The following ZC3H4 variants were observed in gnomAD, a reference collection of about 807,000 sequenced individuals.
ZC3H4 encodes zinc finger CCCH-type containing 4.
ZC3H4 carries 13 observed loss-of-function variants against 108.3 expected under a neutral mutation model. That is an observed-to-expected ratio of 0.12 (90% CI 0.08 to 0.19). The LOEUF (loss-of-function observed/expected upper bound fraction) is 0.19, where lower values mean the gene tolerates loss of function less well. Among genes scored for constraint, ZC3H4 ranks in the 10% least tolerant of loss-of-function variants. ZC3H4 has a pLI of 1.00. For synonymous variants in ZC3H4, 917 were observed against 749.6 expected (o/e 1.22, Z -3.65); for missense variants, 1,734 against 1,838.8 (o/e 0.94, Z 1.04).
intron 2 of ZC3H4, among the ~76,000 whole-genome samples, chr19:47,102,737 A>T (rs2057918866): frequency 6.6e-6 from 1 of 151,942 alleles, no homozygotes; most frequent in Non-Finnish European, 1.5e-5. Context: ...GATAGAGAAT[A>T]AGGGCTCATG....
intron 2 of ZC3H4, among the ~76,000 whole-genome samples, chr19:47,099,889 G>T (rs73943619): frequency 0.026 from 4,012 of 151,492 alleles, 148 homozygotes; most frequent in African/African-American, 0.084. Context: ...GAACAGCAGC[G>T]GTTACCTTAA....
intron 2 of ZC3H4, among the ~76,000 whole-genome samples, chr19:47,104,296 G>A (rs865905032): frequency 6.6e-6 from 1 of 152,148 alleles, no homozygotes; most frequent in African/African-American, 2.4e-5. Flanking sequence ...TCCAGCCTAC[G>A]TGACAGAGTA....
intron 14 of ZC3H4, 40 bp downstream of exon 14, chr19:47,069,052 G>C (rs765527023): frequency 6.2e-7 from 1 of 1,600,732 alleles, no homozygotes; most frequent in Non-Finnish European, 8.5e-7. Flanking sequence ...CTGCACAGCG[G>C]CCTGGGGCCT....
chr19:47,103,908 C>A (rs961258564), intron 2 of ZC3H4, among the ~76,000 whole-genome samples: 1 of 151,808 alleles, frequency 6.6e-6, no homozygotes, highest in Non-Finnish European at 1.5e-5. Flanking sequence ...CGTGCCACTG[C>A]ACTCCGGCCT....
chr19:47,068,053 G>C (rs1368040541), intron 14 of ZC3H4, among the ~76,000 whole-genome samples, 184 bp from the exon 15 acceptor site: 2 of 152,148 alleles, frequency 1.3e-5, no homozygotes, highest in African/African-American at 4.8e-5. Flanking sequence ...TAAGGCGCTC[G>C]GTTTATGCCA....
intron 11 of ZC3H4, among the ~76,000 whole-genome samples, chr19:47,074,964 C>T (rs1015305349): frequency 1.2e-4 from 18 of 152,328 alleles, no homozygotes; most frequent in African/African-American, 4.3e-4. Flanking sequence ...GACCCCAGCA[C>T]AGATCCCTTA....
In ZC3H4 at chr19:47,084,340, C is replaced by T; in HGVS notation, c.1218+5G>A. 6.2e-7 allele frequency: 1 copy of T among 1,614,118 alleles called. No individual in the cohort carries two copies. Among genetic ancestry groups the T allele is most frequent in the Non-Finnish European group, 8.5e-7 (1 of 1,179,976 alleles). ...TAGAGGTGCCCAGCTTTCAGCGCTC[C>T]TTACCCAGGTGCAGCGCCCTTCCAC... On this transcript the variant is annotated splice_donor_5th_base_variant and intron_variant, in intron 9 of 14. Transcript: ENST00000253048.
intron 2 of ZC3H4, among the ~76,000 whole-genome samples, chr19:47,097,305 T>C (rs936066441): frequency 6.6e-6 from 1 of 152,148 alleles, no homozygotes; most frequent in Non-Finnish European, 1.5e-5. Flanking sequence ...GAGAAATACA[T>C]AGGATTTTTT....
At chr19:47,077,753 A>G (rs960701395) in intron 11 of ZC3H4, among the ~76,000 whole-genome samples, 1 of 151,198 alleles carries the variant, frequency 6.6e-6, no homozygotes, top group Non-Finnish European at 1.5e-5. Context: ...GCTACTCAGG[A>G]GGCTGAGGCA....
chr19:47,104,198 A>C (rs1191241158), intron 2 of ZC3H4, among the ~76,000 whole-genome samples: 4 of 151,864 alleles, frequency 2.6e-5, no homozygotes, highest in Admixed American at 2.0e-4. Flanking sequence ...GCACACCTGT[A>C]ATCCCAACTA....
At chr19:47,110,329 G>A (rs1291982264) in intron 2 of ZC3H4, among the ~76,000 whole-genome samples, 2 of 152,162 alleles carry the variant, frequency 1.3e-5, no homozygotes, top group Non-Finnish European at 2.9e-5. Context: ...GAAGGCTGGA[G>A]ACAAAGCAAT....
chr19:47,082,275 G>A lies in ZC3H4; in HGVS notation c.1239C>T (p.Ser413=). 1 of 1,613,842 alleles carries A rather than the reference G, an allele frequency of 6.2e-7. No individual in the cohort carries two copies. The highest frequency in any genetic ancestry group is 8.5e-7 in the Non-Finnish European group (1 of 1,179,782). ...RCTWGDHCNF[S]HDIELPKKRE... ...GCTTCTTTGGGAGTTCGATGTCATG[G>A]CTAAAATTACAGTGGTCTCCCTAGA... Residue 413 remains serine, a synonymous_variant, in exon 10 of 15, where the codon AGC becomes AGT. Coordinates refer to ENST00000253048, the MANE Select transcript of ZC3H4 (RefSeq NM_015168.2).
chr19:47,105,102 C>A (rs541780988), intron 2 of ZC3H4, among the ~76,000 whole-genome samples: 3 of 152,262 alleles, frequency 2.0e-5, no homozygotes, highest in Admixed American at 1.3e-4. Flanking sequence ...CCCACCCTCT[C>A]GAGGGCCAAC....
intron 2 of ZC3H4, 153 bp downstream of exon 2, chr19:47,112,271 A>G: frequency 1.8e-6 from 2 of 1,111,010 alleles, no homozygotes; most frequent in Non-Finnish European, 2.3e-6. Context: ...CGAGCGAGCA[A>G]GCGATCGAGA....
chr19:47,079,173 G>A (rs1170044442), intron 11 of ZC3H4, among the ~76,000 whole-genome samples: 1 of 150,924 alleles, frequency 6.6e-6, no homozygotes, highest in African/African-American at 2.4e-5. Flanking sequence ...GGGATTACAG[G>A]TATGCACCAC....
intron 5 of ZC3H4, among the ~76,000 whole-genome samples, chr19:47,087,793 G>T (rs1254383131): frequency 6.6e-6 from 1 of 152,142 alleles, no homozygotes; most frequent in East Asian, 1.9e-4. Flanking sequence ...AGAATTGCTT[G>T]AACCTCGGAG....
At position 47,066,394 on chromosome 19, in the gene ZC3H4, TA is replaced by T; in HGVS notation, c.3873del (p.Phe1291LeufsTer36). 2 of 1,569,828 alleles carry T rather than the reference TA, an allele frequency of 1.3e-6. No homozygotes were observed. Among genetic ancestry groups the T allele is most frequent in the Non-Finnish European group, 1.7e-6 (2 of 1,160,794 alleles). On this transcript the variant is annotated frameshift_variant, in exon 15 of 15. Transcript: ENST00000253048. LOFTEE classifies it high-confidence loss of function. The part of the protein sequence containing the change: ...EQDAASLKDV[F>X]KGFDPTASPF... ...GGGGAGGCCGTGGGGTCGAAGCCTT[TA>T]AAAACATCCTTCAGGGATGCCGCAT...
At position 47,067,357 on chromosome 19, in the gene ZC3H4, G is replaced by C. The variant is rs1320805651; in HGVS notation, c.2911C>G (p.Pro971Ala). The C allele has an allele frequency of 6.2e-7, 1 of 1,605,850 alleles. No individual in the cohort carries two copies. Among genetic ancestry groups the C allele is most frequent in the Non-Finnish European group, 8.5e-7 (1 of 1,175,452 alleles). Residue 971 changes from proline to alanine, a missense_variant, in exon 15 of 15, where the codon CCC becomes GCC. Pro to Ala is a conservative substitution (Grantham distance 27). Coordinates refer to ENST00000253048, the MANE Select transcript of ZC3H4 (RefSeq NM_015168.2). The surrounding 1 kb of genome is among the most constrained non-coding windows in gnomAD (Gnocchi z 6.4). ...CAGAGCACGGTGCGGGCGAAGCTGGGCTTGCTCAGGGTCACGTCCTTCTTG... is the reference window on the plus strand; with the variant it reads ...CAGAGCACGGTGCGGGCGAAGCTGGCCTTGCTCAGGGTCACGTCCTTCTTG... Reference protein sequence around the residue: ...HIKKDVTLSKPSFARTVLWNP... With the variant: ...HIKKDVTLSKASFARTVLWNP...
chr19:47,071,577 T>C (rs1242132773), intron 13 of ZC3H4, among the ~76,000 whole-genome samples: 1 of 152,142 alleles, frequency 6.6e-6, no homozygotes, highest in East Asian at 1.9e-4. Flanking sequence ...ATAACCTATA[T>C]TGGTAATACA....
Sources: gnomAD v4.1 joint callset for allele counts (sites outside exome capture counted in the v4.1 genomes callset) on GRCh38, gnomAD v4.1.1 for gene constraint, Gnocchi (gnomAD v3.1) non-coding constraint, MANE v1.5 for transcripts, NCBI Gene and HGNC (gene_info 2026-07-23, HGNC 2026-07-21) for gene names.